ABRAXAS1: variants seen among roughly 807,000 people sequenced by gnomAD.
ABRAXAS1 encodes abraxas 1, BRCA1 A complex subunit.
Under a neutral mutation model 38.4 loss-of-function variants are expected in ABRAXAS1, and 26 were observed. The observed-to-expected ratio is 0.68, with a 90% CI of 0.50 to 0.94. The LOEUF (loss-of-function observed/expected upper bound fraction) is 0.94, where lower values mean the gene tolerates loss of function less well. Ranked by LOEUF, ABRAXAS1 falls within the 40% of genes least tolerant of loss-of-function variation. ABRAXAS1 has a pLI of 0.00. For missense variants in ABRAXAS1, 438 were observed against 481.9 expected (o/e 0.91, Z 0.85); for synonymous variants, 144 against 165.5 (o/e 0.87, Z 1.00).
intron 7 of ABRAXAS1, among the ~76,000 whole-genome samples, chr4:83,466,095 T>C (rs1162754409): frequency 6.6e-6 from 1 of 152,118 alleles, no homozygotes; most frequent in Non-Finnish European, 1.5e-5. Context: ...TATAGAACAA[T>C]TTTCGGGCAA....
At position 83,461,094 on chromosome 4, in the gene ABRAXAS1, T is replaced by C; in HGVS notation, c.*1375A>G. 1 of 1,613,404 alleles carries C rather than the reference T, an allele frequency of 6.2e-7. No individual in the cohort carries two copies. The highest frequency in any genetic ancestry group is 8.5e-7 in the Non-Finnish European group (1 of 1,179,418). On this transcript the variant is annotated 3_prime_UTR_variant, in exon 9 of 9. Coordinates refer to ENST00000321945, the MANE Select transcript of ABRAXAS1 (RefSeq NM_139076.3). Reference sequence around the variant, plus strand: ...CTGAAATTTTGCTCATTATGTTTTGTCAAGAACTTTAATTATCTCTTTACA... The same window carrying C: ...CTGAAATTTTGCTCATTATGTTTTGCCAAGAACTTTAATTATCTCTTTACA...
At chr4:83,471,883 CA>C (rs762105531) in intron 4 of ABRAXAS1, among the ~76,000 whole-genome samples, 2 of 151,112 alleles carry the variant, frequency 1.3e-5, no homozygotes, top group Non-Finnish European at 3.0e-5. Context: ...AAAAACAAAA[CA>C]AAAAAAACCA....
intron 4 of ABRAXAS1, among the ~76,000 whole-genome samples, chr4:83,471,191 C>CTTTTTTTTTTTTTTTT (rs869128932): frequency 1.7e-5 from 1 of 58,168 alleles, no homozygotes; most frequent in African/African-American, 5.1e-5. Flanking sequence ...AAAGAAACAT[C>CTTTTTTTTTTTTTTTT]TTTTTTTTTT....
intron 2 of ABRAXAS1, among the ~76,000 whole-genome samples, chr4:83,481,733 TA>T (rs1723005672): frequency 6.6e-6 from 1 of 152,090 alleles, no homozygotes; most frequent in Admixed American, 6.6e-5. Flanking sequence ...TAAATTATTT[TA>T]AAATTAATAT....
intron 8 of ABRAXAS1, 101 bp downstream of exon 8, chr4:83,463,393 T>A: frequency 1.3e-6 from 1 of 759,746 alleles, no homozygotes; most frequent in Non-Finnish European, 2.0e-6. Flanking sequence ...AGATCACACC[T>A]TTGCACTCCA....
intron 2 of ABRAXAS1, among the ~76,000 whole-genome samples, chr4:83,480,664 T>G (rs1350247029): frequency 6.6e-6 from 1 of 152,198 alleles, no homozygotes; most frequent in African/African-American, 2.4e-5. Context: ...TGTGACACAG[T>G]AATACCATAT....
chr4:83,484,962 AC>A, intron 1 of ABRAXAS1, 23 bp downstream of exon 1: 3 of 1,554,430 alleles, frequency 1.9e-6, no homozygotes, highest in Admixed American at 1.8e-5. Context: ...GCGACGCCGG[AC>A]CCCGCCCCGT....
At chr4:83,468,363 T>C (rs373041845) in intron 6 of ABRAXAS1, among the ~76,000 whole-genome samples, 12 of 149,002 alleles carry the variant, frequency 8.1e-5, no homozygotes, top group South Asian at 6.4e-4. Flanking sequence ...TGAAATACGG[T>C]ATTCAGTTTT....
intron 3 of ABRAXAS1, among the ~76,000 whole-genome samples, chr4:83,473,684 T>C (rs1722663803): frequency 6.6e-6 from 1 of 151,758 alleles, no homozygotes; most frequent in Non-Finnish European, 1.5e-5. Context: ...CACCCAGCTG[T>C]TTTGTATTTT....
At chr4:83,482,312 T>C in intron 1 of ABRAXAS1, 68 bp from the exon 2 acceptor site, 1 of 968,370 alleles carries the variant, frequency 1.0e-6, no homozygotes, top group Non-Finnish European at 1.6e-6. Context: ...CTAACCGTAT[T>C]TCCTGAGTAT....
At chr4:83,469,979 A>G (rs1722520325) in intron 5 of ABRAXAS1, 2 of 385,856 alleles carry the variant, frequency 5.2e-6, no homozygotes. Flanking sequence ...GCAAATCTTC[A>G]GTGCCAGAAT....
In ABRAXAS1 at chr4:83,463,562, A is replaced by G. The variant is rs1340818870; in HGVS notation, c.728T>C (p.Leu243Pro). 1 of 1,611,646 alleles carries G rather than the reference A, an allele frequency of 6.2e-7. No homozygotes were observed. Among genetic ancestry groups the G allele is most frequent in the Non-Finnish European group, 8.5e-7 (1 of 1,179,170 alleles). ...TTTTAATCTGTTTACATCCTTTACTAGTTTATCTACTGCTTGTTCACTGTC... is the reference window on the plus strand; with the variant it reads ...TTTTAATCTGTTTACATCCTTTACTGGTTTATCTACTGCTTGTTCACTGTC... ...VEDSEQAVDK[L>P]VKDVNRLKRE... is the part of the protein sequence containing the mutation. Residue 243 changes from leucine (L) to proline (P), a missense_variant, in exon 8 of 9, where the codon CTA (leucine) becomes CCA (proline). Coordinates refer to ENST00000321945, the MANE Select transcript of ABRAXAS1 (RefSeq NM_139076.3).
chr4:83,459,875 A>C lies in ABRAXAS1; in HGVS notation c.*2594T>G. On this transcript the variant is annotated 3_prime_UTR_variant, in exon 9 of 9. Transcript: ENST00000321945. ...CTATTTCTATCATTTAAGAAAACTC[A>C]AATTTTCAAATTGTGCTATAAATTA... 7.9e-7 allele frequency: 1 copy of C among 1,258,580 alleles called. No homozygotes were observed. Among genetic ancestry groups the C allele is most frequent in the Non-Finnish European group, 1.1e-6 (1 of 896,746 alleles). 78.0% of individuals were successfully genotyped at this position (1,258,580 alleles called of 1,614,324 possible).
In ABRAXAS1 at chr4:83,462,330, T is replaced by G. The variant is rs535462348; in HGVS notation, c.*139A>C. On this transcript the variant is annotated 3_prime_UTR_variant, in exon 9 of 9. Transcript: ENST00000321945. ...TGTGAAGTAAATGCACTAAGAGTTATCTGTGTATTACTGCAAACAGGTGAA... is the reference window on the plus strand; with the variant it reads ...TGTGAAGTAAATGCACTAAGAGTTAGCTGTGTATTACTGCAAACAGGTGAA... The G allele has an allele frequency of 7.1e-6, 5 of 705,120 alleles. No homozygotes were observed. Among genetic ancestry groups the G allele is most frequent in the African/African-American group, 3.6e-5 (2 of 56,226 alleles). The allele number at this position is 705,120 out of a possible 1,614,324, so 43.7% of individuals were successfully genotyped here. A position where few individuals can be genotyped will look rare whatever the true frequency, so the allele number is the denominator to read the frequency against.
At chr4:83,477,837 A>T (rs12649417) in intron 2 of ABRAXAS1, 425,296 of 785,508 alleles carry the variant, frequency 0.54, 117,598 homozygotes, top group African/African-American at 0.66. Flanking sequence ...AGCTTGAAGC[A>T]ATTATCTGTA....
chr4:83,481,395 T>C (rs974005315), intron 2 of ABRAXAS1, among the ~76,000 whole-genome samples: 1 of 152,222 alleles, frequency 6.6e-6, no homozygotes, highest in Admixed American at 6.5e-5. Flanking sequence ...CCACCAGTTA[T>C]AACTGCTTTA....
chr4:83,475,718 C>T (rs1039978718), intron 3 of ABRAXAS1, among the ~76,000 whole-genome samples: 11 of 152,168 alleles, frequency 7.2e-5, no homozygotes, highest in Non-Finnish European at 1.3e-4. Context: ...ATTAAAATTA[C>T]ACCATGCTAT....
intron 2 of ABRAXAS1, chr4:83,478,039 G>C: frequency 3.0e-6 from 3 of 994,974 alleles, no homozygotes; most frequent in Non-Finnish European, 4.8e-6. Flanking sequence ...GGGGTCTGTG[G>C]AGGAGTGTGG....
At chr4:83,484,626 G>C (rs1374423959) in intron 1 of ABRAXAS1, among the ~76,000 whole-genome samples, 1 of 152,224 alleles carries the variant, frequency 6.6e-6, no homozygotes, top group South Asian at 2.1e-4. Context: ...GCGAGAAACG[G>C]AAAGTTTACC....
Sources: allele counts gnomAD v4.1 joint callset (sites outside exome capture counted in the v4.1 genomes callset), GRCh38; gene constraint gnomAD v4.1.1; transcripts MANE v1.5; gene names NCBI Gene and HGNC (gene_info 2026-07-23, HGNC 2026-07-21).